Variants in SOX5 observed in about 807,000 individuals in gnomAD.
SOX5 encodes SRY-box transcription factor 5.
SOX5 carries 9 observed loss-of-function variants against 92.0 expected under a neutral mutation model. The ratio of observed to expected loss-of-function variants is 0.10; its 90% CI spans 0.06 to 0.17. The LOEUF (loss-of-function observed/expected upper bound fraction) is 0.17. SOX5 is among the 10% of genes least tolerant of loss of function. SOX5 has a pLI of 1.00. For missense variants in SOX5, 642 were observed against 944.5 expected, an observed-to-expected ratio of 0.68 and a Z score of 4.20; for synonymous variants, 344 against 336.3, an observed-to-expected ratio of 1.02 and a Z score of -0.25.
At chr12:24,138,637 A>G (rs1439665362) in intron 4 of SOX5, among the ~76,000 whole-genome samples, 1 of 152,248 alleles carries the variant, frequency 6.6e-6, no homozygotes, top group Non-Finnish European at 1.5e-5. Context: ...GTCAGGTAAG[A>G]AAATACACGT....
At chr12:24,100,123 C>A (rs1264119953) in intron 4 of SOX5, among the ~76,000 whole-genome samples, 1 of 152,122 alleles carries the variant, frequency 6.6e-6, no homozygotes, top group African/African-American at 2.4e-5. Flanking sequence ...CATCTACAAT[C>A]TCTCCCTTCT....
intron 3 of SOX5, among the ~76,000 whole-genome samples, chr12:24,265,055 G>A (rs189534695): frequency 6.6e-6 from 1 of 152,244 alleles, no homozygotes; most frequent in African/African-American, 2.4e-5. Context: ...TTACCATGGG[G>A]ATTTTCTGAG....
intron 1 of SOX5, among the ~76,000 whole-genome samples, chr12:24,560,527 G>T (rs1222122738): frequency 6.6e-6 from 1 of 152,118 alleles, no homozygotes. Flanking sequence ...CTAGGCTTCT[G>T]CCTGGGAGCT....
chr12:24,157,684 T>C (rs1287391800), intron 4 of SOX5, among the ~76,000 whole-genome samples: 1 of 152,118 alleles, frequency 6.6e-6, no homozygotes, highest in African/African-American at 2.4e-5. Context: ...AGAAGCCTTA[T>C]AGGCAGTGCC....
intron 1 of SOX5, among the ~76,000 whole-genome samples, chr12:24,419,128 A>AT (rs796323546): frequency 6.3e-4 from 94 of 148,734 alleles, no homozygotes; most frequent in South Asian, 1.7e-3. Context: ...GAGAAGAAAG[A>AT]TTTTTTTTTT....
chr12:23,933,297 A>G (rs1941842547), intron 1 of SOX5, among the ~76,000 whole-genome samples: 1 of 151,638 alleles, frequency 6.6e-6, no homozygotes, highest in Admixed American at 6.6e-5. Context: ...CTCAATTATC[A>G]GATGGAAAAA....
intron 1 of SOX5, among the ~76,000 whole-genome samples, chr12:24,377,184 C>T (rs886895293): frequency 6.6e-6 from 1 of 152,122 alleles, no homozygotes; most frequent in South Asian, 2.1e-4. Context: ...GAATATGGCT[C>T]CACAATCAAA....
At chr12:23,700,178 G>A (rs369411144) in intron 6 of SOX5, among the ~76,000 whole-genome samples, 12 of 152,154 alleles carry the variant, frequency 7.9e-5, no homozygotes, top group Admixed American at 4.6e-4. Flanking sequence ...TTTAATACGA[G>A]TGGAATTTAT....
chr12:24,067,750 GA>G (rs1941002260), intron 4 of SOX5, among the ~76,000 whole-genome samples: 1 of 151,714 alleles, frequency 6.6e-6, no homozygotes, highest in Non-Finnish European at 1.5e-5. Context: ...AGTAAACAAA[GA>G]AAAAAGGAAG....
intron 1 of SOX5, among the ~76,000 whole-genome samples, chr12:24,535,007 G>C (rs1951512134): frequency 6.6e-6 from 1 of 152,202 alleles, no homozygotes; most frequent in South Asian, 2.1e-4. Flanking sequence ...GCTCCATGAG[G>C]TTTTCCCATC....
At chr12:24,127,514 C>G (rs1052762431) in intron 4 of SOX5, among the ~76,000 whole-genome samples, 1 of 152,094 alleles carries the variant, frequency 6.6e-6, no homozygotes, top group South Asian at 2.1e-4. Context: ...TATATTCCTA[C>G]ATTTATCTCT....
At chr12:24,469,974 AAAAG>A (rs1406667267) in intron 1 of SOX5, among the ~76,000 whole-genome samples, 3 of 152,236 alleles carry the variant, frequency 2.0e-5, no homozygotes, top group Non-Finnish European at 4.4e-5. Flanking sequence ...GAAAAACAAA[AAAAG>A]AAAGACCAGT....
At chr12:24,494,087 T>A (rs1242657485) in intron 1 of SOX5, among the ~76,000 whole-genome samples, 2 of 152,188 alleles carry the variant, frequency 1.3e-5, no homozygotes, top group African/African-American at 4.8e-5. Context: ...TGAAAATAAC[T>A]TCAGGATTTT....
At chr12:23,769,281 C>T (rs571900004) in intron 3 of SOX5, among the ~76,000 whole-genome samples, 12 of 151,656 alleles carry the variant, frequency 7.9e-5, no homozygotes, top group Admixed American at 6.6e-4. Context: ...TGTTTCCATA[C>T]ATATTTTGGC....
intron 1 of SOX5, chr12:24,460,818 C>T (rs964764239): frequency 3.9e-5 from 6 of 152,244 alleles, no homozygotes; most frequent in East Asian, 1.9e-4. Context: ...GGTAACAGCT[C>T]CTTTGTGGTA....
chr12:23,794,393 C>T (rs1310482431), intron 3 of SOX5, among the ~76,000 whole-genome samples: 1 of 152,010 alleles, frequency 6.6e-6, no homozygotes, highest in East Asian at 1.9e-4. Flanking sequence ...TTTCACAGAT[C>T]TTGTAGTCTA....
At chr12:23,568,130 A>G (rs773082384) in intron 10 of SOX5, among the ~76,000 whole-genome samples, 2 of 152,176 alleles carry the variant, frequency 1.3e-5, no homozygotes, top group Non-Finnish European at 2.9e-5. Flanking sequence ...CATAAATCCA[A>G]TAACCGGTTG....
At chr12:23,961,425 G>A (rs915854628) in intron 4 of SOX5, among the ~76,000 whole-genome samples, 1 of 152,090 alleles carries the variant, frequency 6.6e-6, no homozygotes, top group African/African-American at 2.4e-5. Flanking sequence ...TGAATTTCAT[G>A]TTCTAGGTAC....
At chr12:24,383,506 T>C (rs1416281969) in intron 1 of SOX5, among the ~76,000 whole-genome samples, 1 of 152,162 alleles carries the variant, frequency 6.6e-6, no homozygotes, top group East Asian at 1.9e-4. Context: ...TCATAAGTTT[T>C]CTATTGTGGG....
Sources: gnomAD v4.1 joint callset for allele counts (sites outside exome capture counted in the v4.1 genomes callset) on GRCh38, gnomAD v4.1.1 for gene constraint, MANE v1.5 for transcripts, NCBI Gene and HGNC (gene_info 2026-07-23, HGNC 2026-07-21) for gene names.